ADAMTS18: variants seen among roughly 807,000 people sequenced by gnomAD.
ADAMTS18 encodes the protein ADAM metallopeptidase with thrombospondin type 1 motif 18.
A neutral mutation model predicts 165.9 loss-of-function variants in ADAMTS18; 157 were observed. The observed-to-expected ratio is 0.95, with a 90% confidence interval of 0.83 to 1.08. The LOEUF (loss-of-function observed/expected upper bound fraction) is 1.08, where lower values mean the gene tolerates loss of function less well. ADAMTS18 is among the 50% of genes least tolerant of loss of function. ADAMTS18 has a pLI of 0.00. For synonymous variants in ADAMTS18, 782 were observed against 578.2 expected, an observed-to-expected ratio of 1.35 and a Z score of -5.06; for missense variants, 2,040 against 1,534.0, an observed-to-expected ratio of 1.33 and a Z score of -5.51.
chr16:77,416,818 G>A (rs958919421), intron 3 of ADAMTS18, among the ~76,000 whole-genome samples: 1 of 152,146 alleles, frequency 6.6e-6, no homozygotes, highest in Non-Finnish European at 1.5e-5. Context: ...AGAGATGAAA[G>A]AGTCATTAGA....
intron 12 of ADAMTS18, among the ~76,000 whole-genome samples, chr16:77,333,975 C>CATATATTCTATATATAATATACAGTGCA (rs2056235167): frequency 9.2e-6 from 1 of 109,186 alleles, no homozygotes; most frequent in African/African-American, 3.5e-5. Context: ...AATATAGTGT[C>CATATATTCTATATATAATATACAGTGCA]ATATATGCTA....
chr16:77,335,922 A>G lies in ADAMTS18; in HGVS notation c.1711-18T>C. 6.2e-7 allele frequency: 1 copy of G among 1,614,160 alleles called. No homozygotes were observed. The highest frequency in any genetic ancestry group is 8.5e-7 in the Non-Finnish European group (1 of 1,179,998). On this transcript the variant is annotated intron_variant, in intron 11 of 22. Transcript: ENST00000282849. ...CGACACCACTGTGAAAAGAACGTGT[A>G]AGATGGTTCCCGTCAGAGACCACCT...
intron 3 of ADAMTS18, among the ~76,000 whole-genome samples, chr16:77,425,468 G>T (rs1407239874): frequency 1.3e-5 from 2 of 152,178 alleles, no homozygotes; most frequent in Admixed American, 1.3e-4. Context: ...CTTGCCAGCT[G>T]GGCCTTCACT....
intron 3 of ADAMTS18, among the ~76,000 whole-genome samples, chr16:77,370,469 G>A (rs78243516): frequency 2.0e-5 from 3 of 152,116 alleles, no homozygotes; most frequent in Admixed American, 1.3e-4. Flanking sequence ...CAAGAAGGTG[G>A]CCAAGTGCAG....
intron 8 of ADAMTS18, among the ~76,000 whole-genome samples, chr16:77,356,400 A>G (rs559107303): frequency 1.3e-5 from 2 of 152,326 alleles, no homozygotes; most frequent in African/African-American, 4.8e-5. Context: ...GAACAGCCAA[A>G]TTATTTAGTT....
chr16:77,398,349 A>C (rs1597224262), intron 3 of ADAMTS18, among the ~76,000 whole-genome samples: 1 of 142,336 alleles, frequency 7.0e-6, no homozygotes. Context: ...ACAACAACAA[A>C]AATAAATAAA....
In ADAMTS18 at chr16:77,434,706, G is replaced by C. The variant is rs943796729; in HGVS notation, c.-11C>G. ...GAGGGCGCACTCCATGGTCAGGTGC[G>C]GACGCGGCGGCTGCGGGTGGCCAGA... is the stretch of plus-strand genomic sequence containing the variant. On this transcript the variant is annotated 5_prime_UTR_variant, in exon 1 of 23. Coordinates refer to ENST00000282849, the MANE Select transcript of ADAMTS18 (RefSeq NM_199355.4). The C allele has an allele frequency of 4.2e-6, 6 of 1,438,186 alleles. No individual in the cohort carries two copies. The African/African-American group carries it at 7.4e-5, about 18-fold the overall frequency. 89.1% of individuals were successfully genotyped at this position (1,438,186 alleles called of 1,614,324 possible).
chr16:77,375,375 C>G (rs566747452), intron 3 of ADAMTS18, among the ~76,000 whole-genome samples: 1 of 151,964 alleles, frequency 6.6e-6, no homozygotes, highest in South Asian at 2.1e-4. Flanking sequence ...GAGAGAGAGT[C>G]CATCTCAAAA....
chr16:77,301,316 A>G (rs1025317), intron 16 of ADAMTS18, among the ~76,000 whole-genome samples: 16,118 of 151,906 alleles, frequency 0.11, 1,183 homozygotes, highest in Admixed American at 0.22. Context: ...CTTGTGCAAG[A>G]TCACACAAGT....
At chr16:77,403,054 A>G (rs931935111) in intron 3 of ADAMTS18, among the ~76,000 whole-genome samples, 1 of 152,232 alleles carries the variant, frequency 6.6e-6, no homozygotes, top group Non-Finnish European at 1.5e-5. Context: ...TGTGCCAAGT[A>G]CTGTTTAAAC....
At position 77,283,658 on chromosome 16, in the gene ADAMTS18, C is replaced by G. The variant is rs901158913; in HGVS notation, c.*298G>C. ...TTCAAAAGGGGGTCTCTCCCCAAAT[C>G]GACGTATCTCAGTGTGATTCACCAC... On this transcript the variant is annotated 3_prime_UTR_variant, in exon 23 of 23. Coordinates refer to ENST00000282849, the MANE Select transcript of ADAMTS18 (RefSeq NM_199355.4). The G allele has an allele frequency of 2.9e-6, 1 of 348,724 alleles. No homozygotes were observed. Among genetic ancestry groups the G allele is most frequent in the South Asian group, 2.9e-5 (1 of 34,694 alleles). 21.6% of individuals were successfully genotyped at this position (348,724 alleles called of 1,614,324 possible).
At chr16:77,334,727 A>ATATAGTATAGTATATATACTG (rs2056267049) in intron 12 of ADAMTS18, among the ~76,000 whole-genome samples, 3 of 73,422 alleles carry the variant, frequency 4.1e-5, no homozygotes, top group African/African-American at 5.8e-5. Flanking sequence ...GTATACTACT[A>ATATAGTATAGTATATATACTG]TATACTATAG....
rs1049902451 is a variant in ADAMTS18 at position 77,434,685 on chromosome 16, G to A, written c.11C>T (p.Ala4Val). The A allele has an allele frequency of 6.8e-7, 1 of 1,475,888 alleles. No individual in the cohort carries two copies. The highest frequency in any genetic ancestry group is 8.9e-7 in the Non-Finnish European group (1 of 1,119,964). The allele number at this position is 1,475,888 out of a possible 1,614,324, so 91.4% of individuals were successfully genotyped here. A position where few individuals can be genotyped will look rare whatever the true frequency, so the allele number is the denominator to read the frequency against. Residue 4 changes from alanine to valine, a missense_variant, in exon 1 of 23, where the codon GCC becomes GTC. Ala to Val is a moderately conservative substitution (Grantham distance 64, BLOSUM62 0). Coordinates refer to ENST00000282849, the MANE Select transcript of ADAMTS18 (RefSeq NM_199355.4). ...CGGGAAGGCACACGCGAGCAGGAGGGCGCACTCCATGGTCAGGTGCGGACG... is the reference window on the plus strand; with the variant it reads ...CGGGAAGGCACACGCGAGCAGGAGGACGCACTCCATGGTCAGGTGCGGACG... MEC[A>V]LLLACAFPAA...
chr16:77,392,186 T>G (rs948404976), intron 3 of ADAMTS18, among the ~76,000 whole-genome samples: 3 of 152,170 alleles, frequency 2.0e-5, no homozygotes, highest in Non-Finnish European at 4.4e-5. Context: ...TCCAAACCCT[T>G]GGCTGGCTCC....
At chr16:77,286,024 G>C (rs1003789146) in intron 22 of ADAMTS18, among the ~76,000 whole-genome samples, 1 of 152,134 alleles carries the variant, frequency 6.6e-6, no homozygotes, top group Non-Finnish European at 1.5e-5. Context: ...CGTACTCAGC[G>C]TTAAATCTGA....
At chr16:77,328,247 C>A (rs942414714) in intron 12 of ADAMTS18, among the ~76,000 whole-genome samples, 1 of 152,142 alleles carries the variant, frequency 6.6e-6, no homozygotes, top group Non-Finnish European at 1.5e-5. Context: ...CAGCTTACTC[C>A]GTGCACAAAG....
At chr16:77,361,033 C>T (rs563978472) in intron 7 of ADAMTS18, among the ~76,000 whole-genome samples, 34 of 152,208 alleles carry the variant, frequency 2.2e-4, no homozygotes, top group African/African-American at 7.5e-4. Flanking sequence ...TTGCAGTGAG[C>T]CGAAATCACG....
chr16:77,355,766 A>G (rs536048520), intron 9 of ADAMTS18, among the ~76,000 whole-genome samples, 174 bp downstream of exon 9: 4 of 152,288 alleles, frequency 2.6e-5, no homozygotes, highest in Admixed American at 1.3e-4. Flanking sequence ...TTAGGCTTCA[A>G]TCTATTTTTT....
chr16:77,375,660 G>T (rs565212783), intron 3 of ADAMTS18, among the ~76,000 whole-genome samples: 24 of 152,268 alleles, frequency 1.6e-4, no homozygotes, highest in African/African-American at 5.8e-4. Context: ...GATGGACTGG[G>T]GACGCCCTTA....
Sources: allele counts gnomAD v4.1 joint callset (sites outside exome capture counted in the v4.1 genomes callset), GRCh38; gene constraint gnomAD v4.1.1; transcripts MANE v1.5; gene names NCBI Gene and HGNC (gene_info 2026-07-23, HGNC 2026-07-21).